The following RAD21 variants were observed in gnomAD, a reference collection of about 807,000 sequenced individuals.
RAD21 encodes RAD21 cohesin complex component.
A neutral mutation model predicts 71.5 loss-of-function variants in RAD21; 18 were observed. That is an observed-to-expected ratio of 0.25 (90% CI 0.17 to 0.37). The LOEUF (loss-of-function observed/expected upper bound fraction) is 0.37, where lower values mean the gene tolerates loss of function less well. RAD21 is among the 10% of genes least tolerant of loss of function. The pLI, the probability that RAD21 is intolerant of heterozygous loss-of-function variation, is 1.00. For missense variants in RAD21, 493 were observed against 769.1 expected (o/e 0.64, Z 4.25); for synonymous variants, 248 against 254.0 (o/e 0.98, Z 0.22).
intron 1 of RAD21, among the ~76,000 whole-genome samples, chr8:116,870,507 C>T (rs936962773): frequency 1.3e-5 from 2 of 152,234 alleles, no homozygotes; most frequent in African/African-American, 2.4e-5. Context: ...TTAAAACATG[C>T]TTCCCATACC....
At chr8:116,873,955 C>G (rs1400587902) in intron 1 of RAD21, among the ~76,000 whole-genome samples, 1 of 152,246 alleles carries the variant, frequency 6.6e-6, no homozygotes, top group Non-Finnish European at 1.5e-5. Flanking sequence ...CAACTTCCCT[C>G]CGTCTCTTTT....
At chr8:116,864,011 T>C (rs759954875) in intron 2 of RAD21, among the ~76,000 whole-genome samples, 2 of 152,112 alleles carry the variant, frequency 1.3e-5, no homozygotes, top group Non-Finnish European at 2.9e-5. Flanking sequence ...AAAAAAAGTT[T>C]GGAAAGCATA....
intron 2 of RAD21, 81 bp downstream of exon 2, chr8:116,866,505 A>G (rs1812697793): frequency 7.1e-7 from 1 of 1,408,378 alleles, no homozygotes; most frequent in Non-Finnish European, 9.5e-7. Context: ...GCCCCTACCT[A>G]AAAAAACTGT....
chr8:116,865,638 A>G (rs554095491), intron 2 of RAD21, among the ~76,000 whole-genome samples: 1 of 152,198 alleles, frequency 6.6e-6, no homozygotes, highest in Non-Finnish European at 1.5e-5. Flanking sequence ...ATGTTTACTA[A>G]ATGGCTAGTC....
intron 1 of RAD21, among the ~76,000 whole-genome samples, chr8:116,872,030 C>T (rs1330711526): frequency 2.0e-5 from 3 of 152,114 alleles, no homozygotes; most frequent in Admixed American, 1.3e-4. Context: ...TTCTTGCATC[C>T]ATGGACTAAA....
At chr8:116,866,117 C>T (rs1021646268) in intron 2 of RAD21, among the ~76,000 whole-genome samples, 1 of 152,166 alleles carries the variant, frequency 6.6e-6, no homozygotes, top group Non-Finnish European at 1.5e-5. Flanking sequence ...CTCTCCCCAA[C>T]CTACCATCTT....
In RAD21 at chr8:116,847,268, T is replaced by A. The variant is rs1027808119; in HGVS notation, c.*232A>T. ...TGAACTGTTAAAATCATCTTCTGAGTCCTTGGGGTGCTGTTTTCTCCATCA... is the reference window on the plus strand; with the variant it reads ...TGAACTGTTAAAATCATCTTCTGAGACCTTGGGGTGCTGTTTTCTCCATCA... On this transcript the variant is annotated 3_prime_UTR_variant, in exon 14 of 14. Coordinates refer to ENST00000297338, the MANE Select transcript of RAD21 (RefSeq NM_006265.3). 26 of 448,276 alleles carry A rather than the reference T, an allele frequency of 5.8e-5. No individual in the cohort carries two copies. The highest frequency in any genetic ancestry group is 2.0e-4 in the Admixed American group (5 of 25,546). The allele number at this position is 448,276 out of a possible 1,614,324, so 27.8% of individuals were successfully genotyped here.
intron 1 of RAD21, among the ~76,000 whole-genome samples, chr8:116,870,828 A>C (rs1812806980): frequency 6.6e-6 from 1 of 152,262 alleles, no homozygotes; most frequent in African/African-American, 2.4e-5. Flanking sequence ...AAGTGATCTC[A>C]TAATTGGCAT....
rs755525165 is a variant in RAD21 at position 116,852,525 on chromosome 8, AG to A, written c.1321+23del. ...CCAAATACTCATGTGAACTTCATCA[AG>A]GAACTATTCCAACAGAACAAACCGA... is the stretch of plus-strand genomic sequence containing the variant. On this transcript the variant is annotated intron_variant, in intron 10 of 13. Transcript: ENST00000297338. 2.5e-6 allele frequency: 4 copies of A among 1,569,186 alleles called. No individual in the cohort carries two copies. In the African/African-American group the frequency reaches 5.5e-5, roughly 22 times the overall value.
chr8:116,856,100 C>T, intron 8 of RAD21, 66 bp downstream of exon 8: 1 of 1,532,518 alleles, frequency 6.5e-7, no homozygotes, highest in African/African-American at 1.4e-5. Context: ...GATCAGTAGA[C>T]AGGCAAAAAC....
chr8:116,868,462 G>A (rs1437910809), intron 1 of RAD21, among the ~76,000 whole-genome samples: 2 of 152,144 alleles, frequency 1.3e-5, no homozygotes, highest in Admixed American at 6.5e-5. Context: ...AAATATTCAT[G>A]TACAGACTTT....
chr8:116,868,930 G>GCACA (rs199567823), intron 1 of RAD21, among the ~76,000 whole-genome samples: 1,479 of 146,056 alleles, frequency 0.01, 21 homozygotes, highest in African/African-American at 0.034. Context: ...ACGCACGCAC[G>GCACA]CACACACCCC....
At chr8:116,867,513 G>A (rs1563694146) in intron 1 of RAD21, among the ~76,000 whole-genome samples, 1 of 152,078 alleles carries the variant, frequency 6.6e-6, no homozygotes, top group Non-Finnish European at 1.5e-5. Context: ...AAGAAAGGCC[G>A]CTTGAAAACC....
rs947066637 is a variant in RAD21 at position 116,846,166 on chromosome 8, A to G, written c.*1334T>C. The G allele has an allele frequency of 3.9e-5, 9 of 230,950 alleles. No individual in the cohort carries two copies. The highest frequency in any genetic ancestry group is 2.0e-4 in the African/African-American group (9 of 45,222). 14.3% of individuals were successfully genotyped at this position (230,950 alleles called of 1,614,324 possible). On this transcript the variant is annotated 3_prime_UTR_variant, in exon 14 of 14. Transcript: ENST00000297338. Reference sequence around the variant, plus strand: ...ATATTGAATGTAAAGCTGCAATAGCAATTTTATACAATTACCACTCTGAAG... The same window carrying G: ...ATATTGAATGTAAAGCTGCAATAGCGATTTTATACAATTACCACTCTGAAG...
Position 116,874,668 on chromosome 8 carries a change from G to A in RAD21, c.-90C>T. The A allele has an allele frequency of 2.6e-6, 1 of 389,850 alleles. No individual in the cohort carries two copies. 24.1% of individuals were successfully genotyped at this position (389,850 alleles called of 1,614,324 possible). A position where few individuals can be genotyped will look rare whatever the true frequency, so the allele number is the denominator to read the frequency against. On this transcript the variant is annotated 5_prime_UTR_variant, in exon 1 of 14. Coordinates refer to ENST00000297338, the MANE Select transcript of RAD21 (RefSeq NM_006265.3). ...TGGCCCGGGGAGGGGAAAAGGGTCG[G>A]GGGAGGGGGTGGGGAAAGGGGGGAG...
chr8:116,866,192 T>C (rs965602219), intron 2 of RAD21, among the ~76,000 whole-genome samples: 2 of 152,042 alleles, frequency 1.3e-5, no homozygotes, highest in Non-Finnish European at 2.9e-5. Context: ...TCATATAATA[T>C]GTAGCCTTTT....
At chr8:116,865,960 G>A (rs527470678) in intron 2 of RAD21, among the ~76,000 whole-genome samples, 4 of 152,182 alleles carry the variant, frequency 2.6e-5, no homozygotes, top group African/African-American at 4.8e-5. Context: ...CCAAAAGTCC[G>A]TAGTTTACAT....
intron 1 of RAD21, among the ~76,000 whole-genome samples, chr8:116,872,085 CAAT>C (rs1365522444): frequency 6.6e-6 from 1 of 152,124 alleles, no homozygotes; most frequent in East Asian, 1.9e-4. Flanking sequence ...CAAAAAAACA[CAAT>C]AATAAAAAAT....
intron 1 of RAD21, among the ~76,000 whole-genome samples, chr8:116,867,393 TAAATATTA>T (rs1351196723): frequency 6.6e-6 from 1 of 152,168 alleles, no homozygotes; most frequent in East Asian, 1.9e-4. Context: ...ACTTATAATT[TAAATATTA>T]AATCAGGGAC....
Sources: allele counts gnomAD v4.1 joint callset (sites outside exome capture counted in the v4.1 genomes callset), GRCh38; gene constraint gnomAD v4.1.1; transcripts MANE v1.5; gene names NCBI Gene and HGNC (gene_info 2026-07-23, HGNC 2026-07-21).